VTI1A: variants seen among roughly 807,000 people sequenced by gnomAD.
VTI1A encodes vesicle transport through interaction with t-SNAREs 1A.
In VTI1A, 22 loss-of-function variants were observed where a neutral mutation model predicts 34.9. The ratio of observed to expected loss-of-function variants is 0.63; its 90% CI spans 0.45 to 0.90. The LOEUF is 0.90. VTI1A is among the 40% of genes least tolerant of loss of function. The pLI, the probability that VTI1A is intolerant of heterozygous loss-of-function variation, is 0.00. For missense variants in VTI1A, 268 were observed against 275.6 expected, an observed-to-expected ratio of 0.97 and a Z score of 0.20; for synonymous variants, 87 against 97.3, an observed-to-expected ratio of 0.89 and a Z score of 0.62.
At chr10:112,609,090 T>G (rs1348035559) in intron 5 of VTI1A, among the ~76,000 whole-genome samples, 1 of 152,222 alleles carries the variant, frequency 6.6e-6, no homozygotes, top group East Asian at 1.9e-4. Flanking sequence ...TATATGGTTA[T>G]GATAAAGATT....
At chr10:112,702,247 A>G (rs577186531) in intron 7 of VTI1A, among the ~76,000 whole-genome samples, 5 of 152,342 alleles carry the variant, frequency 3.3e-5, no homozygotes, top group South Asian at 4.1e-4. Flanking sequence ...AAGCCTGGGT[A>G]TTCATAAAAT....
intron 5 of VTI1A, among the ~76,000 whole-genome samples, chr10:112,627,937 T>C (rs1472403593): frequency 6.6e-6 from 1 of 152,204 alleles, no homozygotes; most frequent in Non-Finnish European, 1.5e-5. Context: ...AGGGCAAGAC[T>C]CTGAGGGATA....
chr10:112,574,436 A>G (rs1426818211), intron 5 of VTI1A, among the ~76,000 whole-genome samples: 2 of 152,230 alleles, frequency 1.3e-5, no homozygotes, highest in Non-Finnish European at 2.9e-5. Context: ...CTAAAGCCAT[A>G]GCAGTCTTAT....
At chr10:112,760,152 T>C (rs1292909921) in intron 7 of VTI1A, among the ~76,000 whole-genome samples, 2 of 152,096 alleles carry the variant, frequency 1.3e-5, no homozygotes, top group Non-Finnish European at 2.9e-5. Flanking sequence ...ACACAGTAGT[T>C]CTCCCTTATC....
At chr10:112,567,009 CT>C (rs1554906058) in intron 5 of VTI1A, among the ~76,000 whole-genome samples, 1 of 152,012 alleles carries the variant, frequency 6.6e-6, no homozygotes, top group Non-Finnish European at 1.5e-5. Flanking sequence ...TTTTTTGTAT[CT>C]CATAAAATTC....
At chr10:112,466,187 A>C (rs1847888181) in intron 3 of VTI1A, among the ~76,000 whole-genome samples, 1 of 152,134 alleles carries the variant, frequency 6.6e-6, no homozygotes, top group South Asian at 2.1e-4. Context: ...TTTCCGCCTC[A>C]GTTCTTGCCT....
chr10:112,535,617 A>G (rs1160392497), intron 4 of VTI1A, among the ~76,000 whole-genome samples: 1 of 152,092 alleles, frequency 6.6e-6, no homozygotes, highest in East Asian at 1.9e-4. Flanking sequence ...TTTGAATCCT[A>G]CATCTCCAGC....
At chr10:112,530,470 C>G (rs1357547954) in intron 4 of VTI1A, among the ~76,000 whole-genome samples, 4 of 152,092 alleles carry the variant, frequency 2.6e-5, no homozygotes, top group South Asian at 2.1e-4. Context: ...AATCATAAAG[C>G]CTTTCATAGT....
intron 5 of VTI1A, among the ~76,000 whole-genome samples, chr10:112,661,339 C>T (rs897963505): frequency 3.9e-5 from 6 of 152,200 alleles, no homozygotes; most frequent in African/African-American, 1.4e-4. Flanking sequence ...TGATCCAGAA[C>T]TCCTGTCCTC....
At chr10:112,611,787 G>A (rs1016419763) in intron 5 of VTI1A, among the ~76,000 whole-genome samples, 2 of 136,060 alleles carry the variant, frequency 1.5e-5, no homozygotes, top group Non-Finnish European at 3.1e-5. Context: ...TGTCGCCCAG[G>A]CTGGAGTCCA....
intron 7 of VTI1A, among the ~76,000 whole-genome samples, chr10:112,679,649 T>C (rs1842418489): frequency 6.6e-6 from 1 of 152,116 alleles, no homozygotes; most frequent in Non-Finnish European, 1.5e-5. Context: ...TGAAGCAGTT[T>C]GGAATTACGA....
intron 3 of VTI1A, among the ~76,000 whole-genome samples, chr10:112,465,543 A>G (rs971030039): frequency 5.9e-5 from 9 of 152,242 alleles, no homozygotes; most frequent in Admixed American, 1.3e-4. Context: ...AAGAAAGGAA[A>G]TTCTGTCACA....
intron 5 of VTI1A, among the ~76,000 whole-genome samples, chr10:112,557,935 TAGAAAC>T (rs1412767254): frequency 2.0e-5 from 3 of 152,196 alleles, no homozygotes; most frequent in Non-Finnish European, 2.9e-5. Context: ...ACATAGCAAT[TAGAAAC>T]AGATAAGAAC....
the VTI1A span, among the ~76,000 whole-genome samples, chr10:112,838,736 C>G: frequency 6.6e-6 from 1 of 152,218 alleles, no homozygotes; most frequent in Non-Finnish European, 1.5e-5. Flanking sequence ...GGGCAGCTCA[C>G]TGCGCTTCCA....
chr10:112,582,976 G>T (rs1314042028), intron 5 of VTI1A, among the ~76,000 whole-genome samples: 1 of 152,026 alleles, frequency 6.6e-6, no homozygotes, highest in Non-Finnish European at 1.5e-5. Context: ...GCCCAGGAAG[G>T]GAGGCACGTT....
At chr10:112,659,822 T>C (rs886516729) in intron 5 of VTI1A, among the ~76,000 whole-genome samples, 2 of 152,244 alleles carry the variant, frequency 1.3e-5, no homozygotes, top group African/African-American at 4.8e-5. Flanking sequence ...TATAATTTTT[T>C]AAAATAATGT....
intron 5 of VTI1A, among the ~76,000 whole-genome samples, chr10:112,629,890 C>T (rs759592211): frequency 2.5e-4 from 38 of 152,112 alleles, no homozygotes; most frequent in Non-Finnish European, 4.4e-4. Flanking sequence ...ATAAGTCTTT[C>T]TGTGGAGTAC....
At chr10:112,535,639 C>T (rs1024436937) in intron 4 of VTI1A, among the ~76,000 whole-genome samples, 4 of 152,082 alleles carry the variant, frequency 2.6e-5, no homozygotes, top group Admixed American at 6.6e-5. Flanking sequence ...CTCCACATTG[C>T]GCAGCTCCTC....
At chr10:112,460,933 CAA>C (rs1284666507) in intron 2 of VTI1A, among the ~76,000 whole-genome samples, 3 of 152,120 alleles carry the variant, frequency 2.0e-5, no homozygotes, top group Non-Finnish European at 4.4e-5. Context: ...CCATGTGAGA[CAA>C]TATTATTTGT....
Sources: gnomAD v4.1 joint callset for allele counts (sites outside exome capture counted in the v4.1 genomes callset) on GRCh38, gnomAD v4.1.1 for gene constraint, MANE v1.5 for transcripts, NCBI Gene and HGNC (gene_info 2026-07-23, HGNC 2026-07-21) for gene names.